The following SAMD12 variants were observed in gnomAD, a reference collection of about 807,000 sequenced individuals.
SAMD12 encodes sterile alpha motif domain containing 12, also known as sterile alpha motif domain-containing protein 12.
A neutral mutation model predicts 15.0 loss-of-function variants in SAMD12; 9 were observed. That is an observed-to-expected ratio of 0.60 (90% CI 0.36 to 1.05). SAMD12 has a LOEUF of 1.05. Among genes scored for constraint, SAMD12 ranks in the 50% least tolerant of loss-of-function variants. SAMD12 has a pLI of 0.01. For synonymous variants in SAMD12, 86 were observed against 90.1 expected, an observed-to-expected ratio of 0.96 and a Z score of 0.25; for missense variants, 230 against 234.2, an observed-to-expected ratio of 0.98 and a Z score of 0.12.
At chr8:118,155,640 C>T in the SAMD12 span, among the ~76,000 whole-genome samples, 2 of 152,162 alleles carry the variant, frequency 1.3e-5, no homozygotes, top group Non-Finnish European at 2.9e-5. Flanking sequence ...ACAAGAGCCT[C>T]AGTGTATTAC....
At chr8:118,568,019 C>A (rs1278790213) in intron 2 of SAMD12, among the ~76,000 whole-genome samples, 1 of 152,142 alleles carries the variant, frequency 6.6e-6, no homozygotes, top group African/African-American at 2.4e-5. Flanking sequence ...TCACAGAGTT[C>A]ACACTCTAGT....
In SAMD12 at chr8:118,323,225, T is replaced by C. The variant is rs115174277; in HGVS notation, c.433+56335A>G. ...GAACTAAGCCATTAACTTTTTGGAA[T>C]ATATTTGTTACAGCAGCTAGTGTTT... On this transcript the variant is annotated intron_variant, in intron 4 of 4. Coordinates refer to the SAMD12 transcript ENST00000409003. Among the ~76,000 whole-genome samples, 870 of 152,334 alleles carry C rather than the reference T, an allele frequency of 5.7e-3. 6 individuals carry two copies. The highest frequency in any genetic ancestry group is 0.02 in the African/African-American group (831 of 41,574).
intron 3 of SAMD12, among the ~76,000 whole-genome samples, chr8:118,417,588 T>C (rs1252329098): frequency 6.6e-6 from 1 of 152,198 alleles, no homozygotes; most frequent in Non-Finnish European, 1.5e-5. Context: ...ACAAATTATT[T>C]AGCTAATCAG....
intron 4 of SAMD12, among the ~76,000 whole-genome samples, chr8:118,352,414 T>C (rs1818001508): frequency 6.6e-6 from 1 of 152,090 alleles, no homozygotes; most frequent in Admixed American, 6.6e-5. Flanking sequence ...GTTTTAAAGA[T>C]TAAAATTACA....
intron 2 of SAMD12, 22 bp from the exon 3 acceptor site, chr8:118,439,983 C>T (rs1212539483): frequency 2.5e-6 from 4 of 1,612,640 alleles, no homozygotes; most frequent in Non-Finnish European, 3.4e-6. Context: ...GAAGGAAGAT[C>T]TGTCAATGCT....
intron 2 of SAMD12, among the ~76,000 whole-genome samples, chr8:118,577,562 C>T (rs1467002194): frequency 3.3e-5 from 5 of 152,106 alleles, no homozygotes; most frequent in Admixed American, 3.3e-4. Context: ...GGCCCAAAGG[C>T]ACACTAAGGA....
At chr8:118,385,320 C>G (rs1416478340) in intron 3 of SAMD12, among the ~76,000 whole-genome samples, 5 of 152,262 alleles carry the variant, frequency 3.3e-5, no homozygotes, top group Admixed American at 6.5e-5. Context: ...AATGCTGACC[C>G]TTTCTAGACT....
At chr8:118,366,838 A>AAATAT (rs1563799837) in intron 4 of SAMD12, among the ~76,000 whole-genome samples, 1 of 102,920 alleles carries the variant, frequency 9.7e-6, no homozygotes, top group Non-Finnish European at 2.0e-5. Context: ...AAATAAAATA[A>AAATAT]AATAAAATAA....
intron 4 of SAMD12, among the ~76,000 whole-genome samples, chr8:118,318,350 A>C (rs927698580): frequency 4.0e-5 from 4 of 100,052 alleles, no homozygotes; most frequent in Non-Finnish European, 9.1e-5. Context: ...ATATATATAT[A>C]TATATACATA....
intron 3 of SAMD12, among the ~76,000 whole-genome samples, chr8:118,435,211 A>G (rs1362507986): frequency 6.6e-6 from 1 of 152,190 alleles, no homozygotes; most frequent in African/African-American, 2.4e-5. Flanking sequence ...CCTGTGGTCA[A>G]TTGTGGTCTG....
At chr8:118,188,666 A>G (rs2129716880), downstream of SAMD12, among the ~76,000 whole-genome samples, 1 of 152,316 alleles carries the variant, frequency 6.6e-6, no homozygotes, top group Admixed American at 6.5e-5. Context: ...CAGAGTGTCT[A>G]TAAGTACTCA....
intron 1 of SAMD12, among the ~76,000 whole-genome samples, chr8:118,594,316 G>A (rs1435884696): frequency 1.3e-5 from 2 of 151,952 alleles, no homozygotes; most frequent in Non-Finnish European, 2.9e-5. Context: ...CTACTGTCTT[G>A]TCTGCATTTT....
chr8:118,415,352 C>A (rs1201462323), intron 3 of SAMD12, among the ~76,000 whole-genome samples: 1 of 152,064 alleles, frequency 6.6e-6, no homozygotes, highest in Non-Finnish European at 1.5e-5. Flanking sequence ...ATGAACCACA[C>A]CACCATGCGA....
chr8:118,169,697 A>C, the SAMD12 span, among the ~76,000 whole-genome samples: 1 of 152,326 alleles, frequency 6.6e-6, no homozygotes, highest in East Asian at 1.9e-4. Flanking sequence ...TACAAGAGGC[A>C]ATGTGTACAG....
intron 3 of SAMD12, among the ~76,000 whole-genome samples, chr8:118,438,428 T>TTA (rs200802797): frequency 6.6e-6 from 1 of 151,910 alleles, no homozygotes; most frequent in South Asian, 2.1e-4. Flanking sequence ...AAATTTTTTT[T>TTA]AATCAATCAA....
intron 1 of SAMD12, among the ~76,000 whole-genome samples, chr8:118,586,882 G>A (rs569918284): frequency 1.2e-4 from 18 of 152,254 alleles, no homozygotes; most frequent in African/African-American, 3.4e-4. Flanking sequence ...ACTGCCATTC[G>A]GTACTGATGC....
intron 3 of SAMD12, among the ~76,000 whole-genome samples, chr8:118,408,959 T>C (rs1302642228): frequency 6.6e-6 from 1 of 152,058 alleles, no homozygotes; most frequent in Non-Finnish European, 1.5e-5. Context: ...AGTGCAGTGG[T>C]GCACTCTCGG....
At chr8:118,418,791 C>A (rs1263049434) in intron 3 of SAMD12, among the ~76,000 whole-genome samples, 6 of 151,666 alleles carry the variant, frequency 4.0e-5, no homozygotes, top group Admixed American at 2.6e-4. Context: ...GTTTTTCCAA[C>A]CAGGAAATGT....
exon 5 of SAMD12, chr8:118,192,563 T>C (rs934931843): frequency 1.3e-5 from 2 of 152,148 alleles, no homozygotes; most frequent in African/African-American, 4.8e-5. Context: ...AGAGCCTTTC[T>C]AAGGCTTCTC....
Sources: allele counts gnomAD v4.1 joint callset (sites outside exome capture counted in the v4.1 genomes callset), GRCh38; gene constraint gnomAD v4.1.1; transcripts MANE v1.5; gene names NCBI Gene and HGNC (gene_info 2026-07-23, HGNC 2026-07-21).